The following PRKAG2 variants were observed in gnomAD, a reference collection of about 807,000 sequenced individuals.
PRKAG2 encodes the protein protein kinase AMP-activated non-catalytic subunit gamma 2, also known as 5'-AMP-activated protein kinase subunit gamma-2.
In PRKAG2, 26 loss-of-function variants were observed where a neutral mutation model predicts 69.6. The observed-to-expected ratio is 0.37, with a 90% CI of 0.27 to 0.52. PRKAG2 has a LOEUF of 0.52. PRKAG2 is among the 20% of genes least tolerant of loss of function. The pLI is 0.90. For missense variants in PRKAG2, 557 were observed against 740.0 expected (o/e 0.75, Z 2.87); for synonymous variants, 293 against 285.0 (o/e 1.03, Z -0.28).
chr7:151,620,773 T>C (rs914223208), intron 5 of PRKAG2, among the ~76,000 whole-genome samples: 6 of 150,322 alleles, frequency 4.0e-5, no homozygotes, highest in African/African-American at 1.5e-4. Context: ...AGCCACCACA[T>C]CCAGCTCCTT....
chr7:151,644,305 A>AT (rs1585453227), intron 4 of PRKAG2, among the ~76,000 whole-genome samples: 1 of 152,116 alleles, frequency 6.6e-6, no homozygotes, highest in Admixed American at 6.5e-5. Flanking sequence ...TATAGAGAAA[A>AT]TTTTTTTATC....
chr7:151,650,636 G>A (rs918734711), intron 4 of PRKAG2, among the ~76,000 whole-genome samples: 6 of 152,146 alleles, frequency 3.9e-5, no homozygotes, highest in Non-Finnish European at 5.9e-5. Flanking sequence ...ACACTAAGGC[G>A]TCATTTGCTT....
intron 4 of PRKAG2, among the ~76,000 whole-genome samples, chr7:151,642,700 T>A (rs938219782): frequency 1.3e-5 from 2 of 152,264 alleles, no homozygotes; most frequent in East Asian, 3.8e-4. Context: ...CAGTATCTTT[T>A]CAGAGAGAGT....
intron 4 of PRKAG2, among the ~76,000 whole-genome samples, chr7:151,665,841 GATTTGAGA>G (rs1353120349): frequency 6.6e-6 from 1 of 152,132 alleles, no homozygotes; most frequent in African/African-American, 2.4e-5. Context: ...AATGTCAAGC[GATTTGAGA>G]TATTTATAGA....
chr7:151,832,595 T>TGGGGGGGG (rs34839120), intron 1 of PRKAG2, among the ~76,000 whole-genome samples: 1 of 141,706 alleles, frequency 7.1e-6, no homozygotes, highest in Admixed American at 6.9e-5. Flanking sequence ...GAGGCATCTC[T>TGGGGGGGG]GGGGGGGGGG....
chr7:151,652,317 G>A (rs1828668221), intron 4 of PRKAG2, among the ~76,000 whole-genome samples: 1 of 152,100 alleles, frequency 6.6e-6, no homozygotes, highest in South Asian at 2.1e-4. Context: ...AACAACATAT[G>A]GCAACAGACC....
rs1160241840 is a variant in PRKAG2, at chr7:151,771,454, A to G, written c.466+9698T>C. On this transcript the variant is annotated intron_variant, in intron 3 of 15. Coordinates refer to ENST00000287878, the MANE Select transcript of PRKAG2 (RefSeq NM_016203.4). The surrounding 1 kb of genome is among the most constrained non-coding windows in gnomAD (Gnocchi z 4.0). ...TCCTCCTGCACTCTGTTCCAAAGCCAGAGAGCTCCGTGTCCTTTTGCTGTA... is the reference window on the plus strand; with the variant it reads ...TCCTCCTGCACTCTGTTCCAAAGCCGGAGAGCTCCGTGTCCTTTTGCTGTA... Among the ~76,000 whole-genome samples, 2 of 152,186 alleles carry G rather than the reference A, an allele frequency of 1.3e-5. No individual in the cohort carries two copies. The highest frequency in any genetic ancestry group is 6.5e-5 in the Admixed American group (1 of 15,282).
At chr7:151,765,951 T>A (rs1380582607) in intron 3 of PRKAG2, among the ~76,000 whole-genome samples, 1 of 152,214 alleles carries the variant, frequency 6.6e-6, no homozygotes, top group Non-Finnish European at 1.5e-5. Flanking sequence ...TGTGTCTGGA[T>A]TGGGGACCTT....
chr7:151,793,247 C>T (rs911065078), intron 1 of PRKAG2, among the ~76,000 whole-genome samples: 1 of 152,154 alleles, frequency 6.6e-6, no homozygotes, highest in Admixed American at 6.5e-5. Context: ...CTCTCAGAGC[C>T]ACAGGGTGTT....
intron 5 of PRKAG2, among the ~76,000 whole-genome samples, chr7:151,621,872 G>A (rs1821594944): frequency 6.6e-6 from 1 of 152,132 alleles, no homozygotes; most frequent in Non-Finnish European, 1.5e-5. Flanking sequence ...ACCATGCCCG[G>A]CCGGTGTGCT....
At chr7:151,697,926 C>T (rs1193606853) in intron 3 of PRKAG2, among the ~76,000 whole-genome samples, 2 of 152,212 alleles carry the variant, frequency 1.3e-5, no homozygotes, top group Non-Finnish European at 2.9e-5. Flanking sequence ...TGTGTGGTCC[C>T]CACAGCCATG....
intron 3 of PRKAG2, chr7:151,735,944 T>G: frequency 1.3e-6 from 2 of 1,536,318 alleles, no homozygotes; most frequent in Non-Finnish European, 1.7e-6. Flanking sequence ...CGTGCTTCGA[T>G]TTTGGTCCTT....
At chr7:151,558,432 AG>A in intron 15 of PRKAG2, 1 of 985,300 alleles carries the variant, frequency 1.0e-6, no homozygotes, top group Non-Finnish European at 1.2e-6. Flanking sequence ...GCAACATAGG[AG>A]GGAGACGGGC....
chr7:151,732,465 G>A (rs1057114652), intron 3 of PRKAG2, among the ~76,000 whole-genome samples: 22 of 152,232 alleles, frequency 1.4e-4, no homozygotes, highest in African/African-American at 5.1e-4. Flanking sequence ...GGGAATAACT[G>A]TATGAAGGAG....
intron 1 of PRKAG2, among the ~76,000 whole-genome samples, chr7:151,855,650 C>T (rs1456450907): frequency 1.3e-5 from 2 of 149,688 alleles, no homozygotes; most frequent in African/African-American, 2.4e-5. Context: ...CCACACATAC[C>T]ACTGCAGACA....
intron 3 of PRKAG2, among the ~76,000 whole-genome samples, chr7:151,715,102 G>A (rs1257054736): frequency 3.6e-5 from 5 of 139,554 alleles, no homozygotes; most frequent in African/African-American, 1.1e-4. Context: ...TGCAACCTCC[G>A]CCTCCTAGGT....
At chr7:151,720,524 T>C (rs1033340841) in intron 3 of PRKAG2, among the ~76,000 whole-genome samples, 1 of 151,222 alleles carries the variant, frequency 6.6e-6, no homozygotes, top group Non-Finnish European at 1.5e-5. Context: ...CTTGACACCC[T>C]GAAGTCAAGC....
Position 151,756,407 on chromosome 7 carries a change from C to T in PRKAG2, c.466+24745G>A, listed in dbSNP as rs144768181. On this transcript the variant is annotated intron_variant, in intron 3 of 15. Coordinates refer to ENST00000287878, the MANE Select transcript of PRKAG2 (RefSeq NM_016203.4). This position sits in a 1 kb window ranked among gnomAD's most constrained non-coding sequence, Gnocchi z 4.9. The stretch of plus-strand genomic sequence containing the variant: ...CCTAGATGGATTTGTGGGTGCATCT[C>T]GGGCACCCCGCTCAGCACATGGCTC... 7.9e-5 allele frequency among the ~76,000 whole-genome samples: 12 copies of T among 152,338 alleles called. No homozygotes were observed. The highest frequency in any genetic ancestry group is 1.7e-4 in the African/African-American group (7 of 41,578).
At chr7:151,676,990 C>T (rs1833044306) in intron 3 of PRKAG2, among the ~76,000 whole-genome samples, 1 of 152,210 alleles carries the variant, frequency 6.6e-6, no homozygotes, top group South Asian at 2.1e-4. Context: ...TCCTCCCCTA[C>T]AGGTTTCAGA....
Sources: allele counts gnomAD v4.1 joint callset (sites outside exome capture counted in the v4.1 genomes callset), GRCh38; gene constraint gnomAD v4.1.1; non-coding constraint Gnocchi (gnomAD v3.1); transcripts MANE v1.5; gene names NCBI Gene and HGNC (gene_info 2026-07-23, HGNC 2026-07-21).